Variants in SMYD3 observed in about 807,000 individuals in gnomAD.
SMYD3 encodes the protein histone-lysine N-methyltransferase SMYD3.
SMYD3 carries 36 observed loss-of-function variants against 57.7 expected under a neutral mutation model. The observed-to-expected ratio is 0.62, with a 90% CI of 0.48 to 0.82. The LOEUF (loss-of-function observed/expected upper bound fraction) is 0.82. SMYD3 is among the 40% of genes least tolerant of loss of function. The probability of loss-of-function intolerance (pLI) is 0.00; values close to 1 mark genes in which losing one functional copy is unlikely to be tolerated. For synonymous variants in SMYD3, 211 were observed against 195.0 expected (o/e 1.08, Z -0.68); for missense variants, 515 against 538.8 (o/e 0.96, Z 0.44).
chr1:246,028,275 C>T (rs1359519484), intron 5 of SMYD3, among the ~76,000 whole-genome samples: 1 of 151,904 alleles, frequency 6.6e-6, no homozygotes, highest in Non-Finnish European at 1.5e-5. Context: ...CAAAGGGCAT[C>T]CAAATTGGAA....
rs541725263 is a variant in SMYD3, at chr1:246,449,986, C to G, written c.164+57068G>C. On this transcript the variant is annotated intron_variant, in intron 1 of 11. Coordinates refer to ENST00000490107, the MANE Select transcript of SMYD3 (RefSeq NM_001167740.2). ...TGACAGAAAATGACCCAAACTAGTTCATGTAAAATCTCATCAACAGGCCGG... is the reference window on the plus strand; with the variant it reads ...TGACAGAAAATGACCCAAACTAGTTGATGTAAAATCTCATCAACAGGCCGG... 5.9e-5 allele frequency among the ~76,000 whole-genome samples: 9 copies of G among 152,260 alleles called. No homozygotes were observed. The South Asian group carries it at 1.7e-3, about 28-fold the overall frequency.
At chr1:245,828,954 C>T (rs1341596698) in intron 10 of SMYD3, among the ~76,000 whole-genome samples, 2 of 152,026 alleles carry the variant, frequency 1.3e-5, no homozygotes, top group Non-Finnish European at 2.9e-5. Flanking sequence ...CTGCCTGACT[C>T]GGCCTCCCAA....
At chr1:246,456,352 C>G (rs1221601545) in intron 1 of SMYD3, among the ~76,000 whole-genome samples, 1 of 152,178 alleles carries the variant, frequency 6.6e-6, no homozygotes, top group African/African-American at 2.4e-5. Context: ...CGAATAGGAC[C>G]AAGGCATGAA....
At chr1:246,412,844 G>A (rs1391603796) in intron 1 of SMYD3, among the ~76,000 whole-genome samples, 2 of 126,928 alleles carry the variant, frequency 1.6e-5, no homozygotes, top group Non-Finnish European at 3.2e-5. Flanking sequence ...AGCAACAAGA[G>A]TGAGACTCCG....
intron 7 of SMYD3, among the ~76,000 whole-genome samples, chr1:245,922,399 T>G (rs969425526): frequency 6.6e-6 from 1 of 152,220 alleles, no homozygotes; most frequent in Non-Finnish European, 1.5e-5. Context: ...AAATAATCTG[T>G]GTAGATGTCA....
At chr1:246,164,407 G>A (rs990990301) in intron 5 of SMYD3, among the ~76,000 whole-genome samples, 1 of 152,174 alleles carries the variant, frequency 6.6e-6, no homozygotes, top group African/African-American at 2.4e-5. Flanking sequence ...GCGACAGAGC[G>A]AGACTCCGTC....
intron 5 of SMYD3, among the ~76,000 whole-genome samples, chr1:246,049,340 A>T (rs10399647): frequency 6.6e-6 from 1 of 151,918 alleles, no homozygotes; most frequent in African/African-American, 2.4e-5. Context: ...TCTGTCGCCC[A>T]GGCTGGAGTG....
At chr1:246,435,820 GGA>G (rs2067363360) in intron 1 of SMYD3, among the ~76,000 whole-genome samples, 2 of 151,856 alleles carry the variant, frequency 1.3e-5, no homozygotes, top group East Asian at 1.9e-4. Context: ...GAAGATACAA[GGA>G]AACTGGACAA....
chr1:246,476,784 A>G (rs1338010198), intron 1 of SMYD3, among the ~76,000 whole-genome samples: 2 of 152,266 alleles, frequency 1.3e-5, no homozygotes, highest in African/African-American at 2.4e-5. Flanking sequence ...ACAAACACAG[A>G]GAAGAAAACA....
chr1:246,298,229 A>G (rs1334523483), intron 5 of SMYD3, among the ~76,000 whole-genome samples: 1 of 152,028 alleles, frequency 6.6e-6, no homozygotes, highest in African/African-American at 2.4e-5. Context: ...ACTGAGGTAA[A>G]AAAATAATAA....
chr1:245,758,201 C>T (rs150747920), intron 11 of SMYD3, among the ~76,000 whole-genome samples: 309 of 152,174 alleles, frequency 2.0e-3, no homozygotes, highest in African/African-American at 6.9e-3. Context: ...TCATTTTTAG[C>T]GTTTAGAAAT....
intron 5 of SMYD3, among the ~76,000 whole-genome samples, chr1:246,269,627 G>A (rs1277381822): frequency 6.7e-6 from 1 of 149,684 alleles, no homozygotes; most frequent in Non-Finnish European, 1.5e-5. Flanking sequence ...ACAGTGCAGT[G>A]GTGCAATCAC....
At chr1:246,049,553 T>C (rs984174311) in intron 5 of SMYD3, among the ~76,000 whole-genome samples, 20 of 151,774 alleles carry the variant, frequency 1.3e-4, no homozygotes, top group African/African-American at 3.6e-4. Context: ...GATCCGCCCA[T>C]CTCGGCCTCC....
chr1:246,245,214 G>A (rs1012320321), intron 5 of SMYD3, among the ~76,000 whole-genome samples: 5 of 150,848 alleles, frequency 3.3e-5, no homozygotes, highest in Non-Finnish European at 7.4e-5. Context: ...TGGCTGAGGC[G>A]AGCGGATCAC....
chr1:245,893,765 G>GTGA (rs1336973522), intron 8 of SMYD3, among the ~76,000 whole-genome samples: 168 of 151,980 alleles, frequency 1.1e-3, no homozygotes, highest in Non-Finnish European at 2.1e-3. Flanking sequence ...CTTGATGGTG[G>GTGA]TGGTGGTGGT....
At chr1:245,818,624 A>G (rs1204642596) in intron 10 of SMYD3, among the ~76,000 whole-genome samples, 1 of 151,908 alleles carries the variant, frequency 6.6e-6, no homozygotes, top group African/African-American at 2.4e-5. Flanking sequence ...GTCAAGACCC[A>G]TCAGTGTGCT....
Position 245,949,777 on chromosome 1 carries a change from C to T in SMYD3, c.532-19840G>A, listed in dbSNP as rs2057555051. 2.0e-5 allele frequency among the ~76,000 whole-genome samples: 3 copies of T among 152,196 alleles called. No individual in the cohort carries two copies. The South Asian group carries it at 6.2e-4, about 32-fold the overall frequency. ...TGAGCCAAGATTGTACCACTGGACTCCAGCCTGGGCAACAGAGTGAGACCC... is the reference window on the plus strand; with the variant it reads ...TGAGCCAAGATTGTACCACTGGACTTCAGCCTGGGCAACAGAGTGAGACCC... On this transcript the variant is annotated intron_variant, in intron 5 of 11. Transcript: ENST00000490107.
chr1:246,315,311 C>T (rs1003666493), intron 5 of SMYD3, among the ~76,000 whole-genome samples: 4 of 152,264 alleles, frequency 2.6e-5, no homozygotes, highest in Admixed American at 1.3e-4. Flanking sequence ...TTGTCAAATG[C>T]TTGGCATAGA....
At chr1:246,078,361 T>A (rs536966355) in intron 5 of SMYD3, among the ~76,000 whole-genome samples, 113 of 152,184 alleles carry the variant, frequency 7.4e-4, no homozygotes, top group Non-Finnish European at 1.6e-4. Flanking sequence ...AGGAGAGAGA[T>A]AATAGTCTAA....
Sources: allele counts gnomAD v4.1 joint callset (sites outside exome capture counted in the v4.1 genomes callset), GRCh38; gene constraint gnomAD v4.1.1; transcripts MANE v1.5; gene names NCBI Gene and HGNC (gene_info 2026-07-23, HGNC 2026-07-21).